Variants in TMEM132B observed in about 807,000 individuals in gnomAD.
TMEM132B encodes the protein transmembrane protein 132B.
Under a neutral mutation model 90.8 loss-of-function variants are expected in TMEM132B, and 18 were observed. The ratio of observed to expected loss-of-function variants is 0.20; its 90% CI spans 0.14 to 0.29. TMEM132B has a LOEUF of 0.29. Ranked by LOEUF, TMEM132B falls within the 10% of genes least tolerant of loss-of-function variation. The pLI is 1.00. For missense variants in TMEM132B, 1,096 were observed against 1,326.8 expected (o/e 0.83, Z 2.70); for synonymous variants, 504 against 523.3 (o/e 0.96, Z 0.50).
chr12:125,488,341 T>A (rs1882252868), intron 3 of TMEM132B, among the ~76,000 whole-genome samples: 1 of 152,212 alleles, frequency 6.6e-6, no homozygotes, highest in Non-Finnish European at 1.5e-5. Flanking sequence ...TGAAGTTTTC[T>A]AAGATAACAA....
Position 125,246,159 on chromosome 12 carries a change from A to G in TMEM132B, c.67+59293A>G, listed in dbSNP as rs1352298104. On this transcript the variant is annotated intron_variant, in intron 1 of 8. Transcript: ENST00000682704. The surrounding 1 kb of genome is among the most constrained non-coding windows in gnomAD (Gnocchi z 4.2). ...TCCTGCTGGCTTTCCGCTTCATGAC[A>G]GTGATAGCTCTCAGTATTGACTGGA... Among the ~76,000 whole-genome samples the G allele has an allele frequency of 2.6e-5, 4 of 152,164 alleles. No homozygotes were observed. The highest frequency in any genetic ancestry group is 9.7e-5 in the African/African-American group (4 of 41,438).
At chr12:125,232,715 T>G (rs11058091) in intron 1 of TMEM132B, among the ~76,000 whole-genome samples, 6,252 of 152,336 alleles carry the variant, frequency 0.041, 142 homozygotes, top group Non-Finnish European at 0.048. Context: ...CTCTCATGTT[T>G]TTCCTAAGGA....
chr12:125,561,657 C>T (rs1300138078), intron 4 of TMEM132B, among the ~76,000 whole-genome samples: 1 of 151,762 alleles, frequency 6.6e-6, no homozygotes, highest in Non-Finnish European at 1.5e-5. Flanking sequence ...CATCTGAGCT[C>T]TTAAGTGACT....
At chr12:125,267,447 T>C (rs1408025036) in intron 1 of TMEM132B, among the ~76,000 whole-genome samples, 1 of 152,132 alleles carries the variant, frequency 6.6e-6, no homozygotes, top group Non-Finnish European at 1.5e-5. Flanking sequence ...GGAAAGGTAA[T>C]CTCCGACCTT....
chr12:125,604,680 G>T (rs1885650619), intron 5 of TMEM132B, among the ~76,000 whole-genome samples: 1 of 152,196 alleles, frequency 6.6e-6, no homozygotes. Context: ...TATGAATCAT[G>T]CCAGGAGCTC....
At chr12:125,232,966 G>T (rs1439343902) in intron 1 of TMEM132B, among the ~76,000 whole-genome samples, 1 of 152,156 alleles carries the variant, frequency 6.6e-6, no homozygotes, top group East Asian at 1.9e-4. Flanking sequence ...TGGGTTGGTT[G>T]GATCAGATGG....
chr12:125,231,465 G>T (rs1285179886), intron 1 of TMEM132B, among the ~76,000 whole-genome samples: 1 of 152,108 alleles, frequency 6.6e-6, no homozygotes, highest in Non-Finnish European at 1.5e-5. Flanking sequence ...CTAAGAACTG[G>T]AACTCCAGAG....
rs1236582739 is a variant in TMEM132B at position 125,657,024 on chromosome 12, C to G, written c.*2314C>G. 6.6e-6 allele frequency: 1 copy of G among 152,152 alleles called. No homozygotes were observed. The highest frequency in any genetic ancestry group is 2.4e-5 in the African/African-American group (1 of 41,418). 9.4% of individuals were successfully genotyped at this position (152,152 alleles called of 1,614,324 possible). A position where few individuals can be genotyped will look rare whatever the true frequency, so the allele number is the denominator to read the frequency against. ...TATCCCTGCCATGGGGAGTGTTATT[C>G]AGGAACATAAAAATTAGAGCATTCC... is the stretch of plus-strand genomic sequence containing the variant. On this transcript the variant is annotated 3_prime_UTR_variant, in exon 9 of 9. Transcript: ENST00000682704.
chr12:125,553,060 T>C (rs73220935), intron 4 of TMEM132B, among the ~76,000 whole-genome samples: 11,143 of 152,338 alleles, frequency 0.073, 550 homozygotes, highest in South Asian at 0.15. Context: ...TTTAGGATTT[T>C]ACTAGGACAG....
intron 4 of TMEM132B, among the ~76,000 whole-genome samples, chr12:125,527,090 C>T (rs1375062929): frequency 6.8e-6 from 1 of 147,812 alleles, no homozygotes; most frequent in Non-Finnish European, 1.5e-5. Flanking sequence ...ACCCATCCAC[C>T]CATCCACCCT....
chr12:125,250,503 A>C (rs1874294342), intron 1 of TMEM132B, among the ~76,000 whole-genome samples: 1 of 151,842 alleles, frequency 6.6e-6, no homozygotes, highest in Non-Finnish European at 1.5e-5. Flanking sequence ...TCTTGCTCAC[A>C]CTGCCCCCAG....
rs545223871 is a variant in TMEM132B, at chr12:125,607,229, A to G, written c.1437+23235A>G. 2.4e-4 allele frequency among the ~76,000 whole-genome samples: 37 copies of G among 152,338 alleles called. 1 individual carries two copies. The South Asian group carries it at 7.0e-3, about 29-fold the overall frequency. On this transcript the variant is annotated intron_variant, in intron 5 of 8. Transcript: ENST00000682704. ...CCTTCAATGTGTTTAACTTATGTTAAAATAAAAATTTTAGATGATTAAATG... is the reference window on the plus strand; with the variant it reads ...CCTTCAATGTGTTTAACTTATGTTAGAATAAAAATTTTAGATGATTAAATG...
At chr12:125,329,682 T>C (rs1876704935) in intron 1 of TMEM132B, among the ~76,000 whole-genome samples, 1 of 152,188 alleles carries the variant, frequency 6.6e-6, no homozygotes, top group Admixed American at 6.5e-5. Flanking sequence ...AAACCACTCA[T>C]TGTCACTGAC....
chr12:125,300,059 C>T (rs1007786978), intron 1 of TMEM132B, among the ~76,000 whole-genome samples: 1 of 152,256 alleles, frequency 6.6e-6, no homozygotes, highest in African/African-American at 2.4e-5. Context: ...GGGCTTTGCA[C>T]TCGCTGTGCT....
At chr12:125,644,326 C>T (rs757444041) in intron 6 of TMEM132B, 45 bp downstream of exon 6, 29 of 1,593,444 alleles carry the variant, frequency 1.8e-5, no homozygotes, top group Non-Finnish European at 2.5e-5. Flanking sequence ...GTCCTGGAGT[C>T]CAGATCTTTG....
rs1281209045 is a variant in TMEM132B, at chr12:125,655,666, A to G, written c.*956A>G. The G allele has an allele frequency of 2.6e-5, 4 of 152,228 alleles. No individual in the cohort carries two copies. The highest frequency in any genetic ancestry group is 5.9e-5 in the Non-Finnish European group (4 of 68,032). The allele number at this position is 152,228 out of a possible 1,614,324, so 9.4% of individuals were successfully genotyped here. On this transcript the variant is annotated 3_prime_UTR_variant, in exon 9 of 9. Coordinates refer to ENST00000682704, the MANE Select transcript of TMEM132B (RefSeq NM_001366854.1). Reference sequence around the variant, plus strand: ...GGCCCCAACATAGCTGTATTTATACAAGTGCTTTGTGGCCAACACAATTTA... The same window carrying G: ...GGCCCCAACATAGCTGTATTTATACGAGTGCTTTGTGGCCAACACAATTTA...
chr12:125,271,830 G>A (rs1377492068), intron 1 of TMEM132B, among the ~76,000 whole-genome samples: 1 of 151,162 alleles, frequency 6.6e-6, no homozygotes, highest in Non-Finnish European at 1.5e-5. Flanking sequence ...GTATTCTCTG[G>A]CTATTGTAAA....
chr12:125,191,984 G>T (rs1333175446), intron 1 of TMEM132B, among the ~76,000 whole-genome samples: 1 of 152,200 alleles, frequency 6.6e-6, no homozygotes, highest in East Asian at 1.9e-4. Context: ...CAGGGCATGA[G>T]TCCCAGGACA....
At chr12:125,573,594 A>T (rs1206655313) in intron 4 of TMEM132B, among the ~76,000 whole-genome samples, 1 of 152,220 alleles carries the variant, frequency 6.6e-6, no homozygotes. Context: ...TTAATAGCTT[A>T]AAGCAACAGA....
Sources: gnomAD v4.1 joint callset for allele counts (sites outside exome capture counted in the v4.1 genomes callset) on GRCh38, gnomAD v4.1.1 for gene constraint, Gnocchi (gnomAD v3.1) non-coding constraint, MANE v1.5 for transcripts, NCBI Gene and HGNC (gene_info 2026-07-23, HGNC 2026-07-21) for gene names.